The following HAPSTR1 variants were observed in gnomAD, a reference collection of about 807,000 sequenced individuals.
HAPSTR1 encodes the protein HUWE1 associated protein modifying stress responses.
At chr16:9,095,966 G>T in the HAPSTR1 span, among the ~76,000 whole-genome samples, 6 of 151,908 alleles carry the variant, frequency 3.9e-5, no homozygotes, top group African/African-American at 1.4e-4. Context: ...TATATTTTTT[G>T]ATTCCTGGAA....
the HAPSTR1 span, among the ~76,000 whole-genome samples, chr16:9,098,794 T>C: frequency 1.1e-4 from 16 of 152,340 alleles, no homozygotes; most frequent in African/African-American, 2.6e-4. Context: ...TGTGCTCTTA[T>C]GGTTTGTAGA....
the HAPSTR1 span, among the ~76,000 whole-genome samples, chr16:9,098,021 A>C: frequency 1.3e-5 from 2 of 152,162 alleles, no homozygotes; most frequent in African/African-American, 4.8e-5. Flanking sequence ...GGCAGGCAAC[A>C]AACAGTGGTT....
chr16:9,115,684 G>C, the HAPSTR1 span, among the ~76,000 whole-genome samples: 1 of 152,070 alleles, frequency 6.6e-6, no homozygotes, highest in Admixed American at 6.5e-5. Flanking sequence ...GTGCAGTCTC[G>C]GTTCTTTGCA....
At chr16:9,102,863 A>G in the HAPSTR1 span, 2 of 954,168 alleles carry the variant, frequency 2.1e-6, no homozygotes, top group African/African-American at 3.3e-5. Context: ...TATATTACTG[A>G]TGGGCTCAGA....
chr16:9,097,690 T>C, the HAPSTR1 span, among the ~76,000 whole-genome samples: 1 of 152,354 alleles, frequency 6.6e-6, no homozygotes, highest in African/African-American at 2.4e-5. Flanking sequence ...TCCCCTGCTC[T>C]GTTCTCCCCT....
At chr16:9,103,004 C>A in the HAPSTR1 span, 1 of 1,613,736 alleles carries the variant, frequency 6.2e-7, no homozygotes, top group East Asian at 2.2e-5. Context: ...TACCCATCAA[C>A]GAAGTTTTGA....
At chr16:9,097,425 T>A in the HAPSTR1 span, among the ~76,000 whole-genome samples, 2 of 151,770 alleles carry the variant, frequency 1.3e-5, no homozygotes, top group African/African-American at 2.4e-5. Flanking sequence ...GTATTTTTGG[T>A]AGAGATGAGG....
the HAPSTR1 span, chr16:9,109,404 C>T: frequency 6.6e-6 from 1 of 152,232 alleles, no homozygotes; most frequent in East Asian, 1.9e-4. Context: ...CAAAGCCCCA[C>T]TTTCACTCGT....
the HAPSTR1 span, chr16:9,103,627 T>TGAG: frequency 5.5e-6 from 1 of 180,970 alleles, no homozygotes. Flanking sequence ...TAATGGTCCA[T>TGAG]GACAGGCAAG....
At chr16:9,108,772 G>A in the HAPSTR1 span, 1 of 152,092 alleles carries the variant, frequency 6.6e-6, no homozygotes, top group African/African-American at 2.4e-5. Context: ...ATTTTCCTCG[G>A]TAACCTTGGG....
chr16:9,106,497 C>T, the HAPSTR1 span: 1 of 151,902 alleles, frequency 6.6e-6, no homozygotes, highest in Non-Finnish European at 1.5e-5. Context: ...CGAAGCTGGT[C>T]TTGAACACCT....
At chr16:9,120,751 C>T in the HAPSTR1 span, 1 of 144,344 alleles carries the variant, frequency 6.9e-6, no homozygotes, top group South Asian at 2.2e-4. Flanking sequence ...GATCTTGGCT[C>T]ACCACAACCT....
chr16:9,110,228 CATT>C, the HAPSTR1 span: 2 of 141,184 alleles, frequency 1.4e-5, no homozygotes, highest in Non-Finnish European at 3.0e-5. Context: ...TCTCTTAAAT[CATT>C]AAGTTACTTG....
At chr16:9,110,027 T>A in the HAPSTR1 span, 2 of 152,134 alleles carry the variant, frequency 1.3e-5, no homozygotes, top group Non-Finnish European at 2.9e-5. Flanking sequence ...ACAAAAAAGC[T>A]AATAATCTCC....
At chr16:9,112,248 A>C in the HAPSTR1 span, 1 of 152,210 alleles carries the variant, frequency 6.6e-6, no homozygotes, top group Admixed American at 6.5e-5. Flanking sequence ...TCAGAACACA[A>C]CTTTGTGCAA....
the HAPSTR1 span, chr16:9,107,689 C>T: frequency 6.6e-6 from 1 of 152,288 alleles, no homozygotes; most frequent in African/African-American, 2.4e-5. Flanking sequence ...TTGAATACCT[C>T]TATGCTCTTT....
At chr16:9,110,632 G>A in the HAPSTR1 span, 1 of 152,200 alleles carries the variant, frequency 6.6e-6, no homozygotes, top group African/African-American at 2.4e-5. Flanking sequence ...ATTTAGCTCT[G>A]TGTCTCGCCC....
the HAPSTR1 span, among the ~76,000 whole-genome samples, chr16:9,097,244 T>C: frequency 6.6e-6 from 1 of 150,844 alleles, no homozygotes; most frequent in Non-Finnish European, 1.5e-5. Flanking sequence ...CTGGCTCTTT[T>C]TTTTTTTTTT....
At chr16:9,102,594 A>G in the HAPSTR1 span, among the ~76,000 whole-genome samples, 13 of 152,328 alleles carry the variant, frequency 8.5e-5, no homozygotes, top group Non-Finnish European at 1.6e-4. Flanking sequence ...ATCTGTCAGT[A>G]GGAATGTATC....
Sources: allele counts gnomAD v4.1 joint callset (sites outside exome capture counted in the v4.1 genomes callset), GRCh38; gene constraint gnomAD v4.1.1; transcripts MANE v1.5; gene names NCBI Gene and HGNC (gene_info 2026-07-23, HGNC 2026-07-21).